Variants in LMO7 observed in about 807,000 individuals in gnomAD.
LMO7 encodes the protein LIM domain only protein 7.
Under a neutral mutation model 206.5 loss-of-function variants are expected in LMO7, and 120 were observed. The observed-to-expected ratio is 0.58, with a 90% confidence interval of 0.50 to 0.68. The LOEUF is 0.68. LMO7 is among the 30% of genes least tolerant of loss of function. LMO7 has a pLI of 0.00. For synonymous variants in LMO7, 706 were observed against 681.5 expected (o/e 1.04, Z -0.56); for missense variants, 1,959 against 1,957.9 (o/e 1.00, Z -0.01).
chr13:75,681,706 G>GTGTGTATATATATATATATA (rs1259746833), intron 1 of LMO7, among the ~76,000 whole-genome samples: 6 of 93,328 alleles, frequency 6.4e-5, no homozygotes, highest in African/African-American at 1.8e-4. Flanking sequence ...GTATGTATGT[G>GTGTGTATATATATATATATA]TATATATATA....
intron 2 of LMO7, among the ~76,000 whole-genome samples, chr13:75,625,603 CT>C (rs2033947873): frequency 6.6e-6 from 1 of 152,148 alleles, no homozygotes; most frequent in Non-Finnish European, 1.5e-5. Context: ...CACAGATTTG[CT>C]TTTTTGGAAT....
intron 6 of LMO7, among the ~76,000 whole-genome samples, chr13:75,797,753 G>T (rs1299450972): frequency 1.3e-5 from 2 of 152,168 alleles, no homozygotes; most frequent in Non-Finnish European, 2.9e-5. Flanking sequence ...ATAGCAAGAG[G>T]TGGGATTATA....
chr13:75,670,966 CTTT>C (rs552236505), intron 1 of LMO7, among the ~76,000 whole-genome samples: 1 of 100,082 alleles, frequency 1.0e-5, no homozygotes, highest in Non-Finnish European at 2.1e-5. Context: ...ATGTTTAAAA[CTTT>C]TTTTTTTTTT....
At chr13:75,784,579 ATTTAATAT>A (rs1208748305) in intron 4 of LMO7, among the ~76,000 whole-genome samples, 1 of 152,212 alleles carries the variant, frequency 6.6e-6, no homozygotes, top group Non-Finnish European at 1.5e-5. Flanking sequence ...CACACAGCAC[ATTTAATAT>A]ATATTAAATC....
intron 1 of LMO7, among the ~76,000 whole-genome samples, chr13:75,687,236 A>T (rs910521883): frequency 6.6e-6 from 1 of 152,170 alleles, no homozygotes; most frequent in African/African-American, 2.4e-5. Flanking sequence ...TGACTGTATT[A>T]GTGTCAGTTT....
At chr13:75,786,223 T>C (rs1178435883) in intron 4 of LMO7, among the ~76,000 whole-genome samples, 1 of 152,202 alleles carries the variant, frequency 6.6e-6, no homozygotes, top group African/African-American at 2.4e-5. Context: ...ATAAAGTGTC[T>C]GTGTCTTGCT....
intron 26 of LMO7, 147 bp downstream of exon 26, chr13:75,845,526 A>G (rs1863459902): frequency 3.7e-6 from 2 of 533,490 alleles, no homozygotes; most frequent in Non-Finnish European, 6.6e-6. Flanking sequence ...GTATATAAAA[A>G]CAGCAAAACA....
intron 1 of LMO7, among the ~76,000 whole-genome samples, chr13:75,623,070 G>A (rs1439834098): frequency 6.6e-6 from 1 of 152,056 alleles, no homozygotes; most frequent in Non-Finnish European, 1.5e-5. Flanking sequence ...TTAAAATATT[G>A]TTACTATTTT....
At chr13:75,750,034 C>A (rs953686662) in intron 3 of LMO7, among the ~76,000 whole-genome samples, 6 of 151,450 alleles carry the variant, frequency 4.0e-5, no homozygotes, top group Admixed American at 1.3e-4. Flanking sequence ...CCATAACAAG[C>A]GATGATTATC....
At chr13:75,757,374 A>T (rs2047758191) in intron 3 of LMO7, among the ~76,000 whole-genome samples, 1 of 152,236 alleles carries the variant, frequency 6.6e-6, no homozygotes, top group Non-Finnish European at 1.5e-5. Context: ...AAATGAAATC[A>T]TAAACACCTA....
chr13:75,771,561 T>G (rs2049702794), intron 4 of LMO7, among the ~76,000 whole-genome samples: 1 of 152,214 alleles, frequency 6.6e-6, no homozygotes, highest in Non-Finnish European at 1.5e-5. Flanking sequence ...AAAACAGAAT[T>G]TTTAAAGACT....
At chr13:75,812,351 T>C (rs990463190) in intron 11 of LMO7, among the ~76,000 whole-genome samples, 2 of 152,252 alleles carry the variant, frequency 1.3e-5, no homozygotes, top group African/African-American at 4.8e-5. Flanking sequence ...TTGATTGCTC[T>C]TCAGAGAATT....
intron 4 of LMO7, among the ~76,000 whole-genome samples, chr13:75,789,534 G>C (rs150351657): frequency 6.6e-6 from 1 of 152,288 alleles, no homozygotes; most frequent in African/African-American, 2.4e-5. Context: ...TGCGGAGCTG[G>C]TTCTGTGAGT....
At chr13:75,647,148 A>G (rs2037105360) in intron 1 of LMO7, among the ~76,000 whole-genome samples, 1 of 152,170 alleles carries the variant, frequency 6.6e-6, no homozygotes, top group African/African-American at 2.4e-5. Context: ...CCTTATGTAC[A>G]AGGACTTATT....
At chr13:75,673,409 G>C (rs545737844) in intron 1 of LMO7, among the ~76,000 whole-genome samples, 2 of 152,220 alleles carry the variant, frequency 1.3e-5, no homozygotes, top group South Asian at 4.2e-4. Context: ...GAGAGCTATT[G>C]CCTTGCCGGT....
At chr13:75,802,689 T>A (rs1322302841) in intron 7 of LMO7, among the ~76,000 whole-genome samples, 1 of 152,140 alleles carries the variant, frequency 6.6e-6, no homozygotes, top group Non-Finnish European at 1.5e-5. Flanking sequence ...CAGACCTTGT[T>A]TAAAGAGTGC....
At chr13:75,659,250 C>T (rs900973609) in intron 1 of LMO7, among the ~76,000 whole-genome samples, 30 of 152,090 alleles carry the variant, frequency 2.0e-4, no homozygotes, top group African/African-American at 6.8e-4. Flanking sequence ...TCATTACAAT[C>T]GAATATTGAA....
At chr13:75,811,780 A>G (rs1178628301) in intron 11 of LMO7, among the ~76,000 whole-genome samples, 1 of 152,154 alleles carries the variant, frequency 6.6e-6, no homozygotes, top group Non-Finnish European at 1.5e-5. Flanking sequence ...AAATTTGGTC[A>G]TGTGTTTTGG....
rs748690329 is a variant in LMO7, at chr13:75,834,264, G to A, written c.3103G>A (p.Glu1035Lys). 6.2e-7 allele frequency: 1 copy of A among 1,608,208 alleles called. No individual in the cohort carries two copies. Among genetic ancestry groups the A allele is most frequent in the Non-Finnish European group, 8.5e-7 (1 of 1,177,292 alleles). The stretch of plus-strand genomic sequence containing the variant: ...ATTTTCTCAGCTACAAGTAGATGAT[G>A]AAATTATTGCTATTAACAACACCAA... ...AEFSQLQVDD[E>K]IIAINNTKFS... is the part of the protein sequence containing the mutation. Residue 1035 changes from glutamate (E) to lysine (K), a missense_variant, in exon 17 of 31, where the codon GAA becomes AAA. Physicochemically the swap from Glu to Lys is moderately conservative, Grantham distance 56. Coordinates refer to ENST00000377534, the MANE Select transcript of LMO7 (RefSeq NM_001306080.2).
Sources: allele counts gnomAD v4.1 joint callset (sites outside exome capture counted in the v4.1 genomes callset), GRCh38; gene constraint gnomAD v4.1.1; transcripts MANE v1.5; gene names NCBI Gene and HGNC (gene_info 2026-07-23, HGNC 2026-07-21).